Variants in UGT2B7 observed in about 807,000 individuals in gnomAD.
The protein encoded by UGT2B7 is UDP glucuronosyltransferase family 2 member B7.
Under a neutral mutation model 51.9 loss-of-function variants are expected in UGT2B7, and 51 were observed. That is an observed-to-expected ratio of 0.98 (90% CI 0.78 to 1.24). The LOEUF (loss-of-function observed/expected upper bound fraction) is 1.24. Among genes scored for constraint, UGT2B7 ranks in the 50% most tolerant of loss-of-function variants. The pLI is 0.00. For synonymous variants in UGT2B7, 225 were observed against 211.6 expected, an observed-to-expected ratio of 1.06 and a Z score of -0.55; for missense variants, 727 against 628.4, an observed-to-expected ratio of 1.16 and a Z score of -1.68.
chr4:69,062,257 G>T (rs192218639), intron 1 of UGT2B7, among the ~76,000 whole-genome samples: 1 of 152,028 alleles, frequency 6.6e-6, no homozygotes, highest in African/African-American at 2.4e-5. Context: ...CTGGGTATTT[G>T]CCCAATGAGA....
intron 1 of UGT2B7, among the ~76,000 whole-genome samples, chr4:69,061,673 A>C (rs1718350572): frequency 6.6e-6 from 1 of 152,218 alleles, no homozygotes; most frequent in African/African-American, 2.4e-5. Context: ...AAACGGTGCT[A>C]GAGACATGAT....
At chr4:69,060,927 C>T (rs1718331308) in intron 1 of UGT2B7, among the ~76,000 whole-genome samples, 1 of 152,182 alleles carries the variant, frequency 6.6e-6, no homozygotes, top group South Asian at 2.1e-4. Flanking sequence ...TGCCAGGAAG[C>T]CCCCTTCATT....
chr4:69,064,520 A>T (rs535090867), intron 1 of UGT2B7, among the ~76,000 whole-genome samples: 35 of 152,342 alleles, frequency 2.3e-4, no homozygotes, highest in African/African-American at 7.0e-4. Flanking sequence ...AACCTAGATA[A>T]CAGACATCTA....
chr4:69,059,425 C>A (rs1475056588), intron 1 of UGT2B7, among the ~76,000 whole-genome samples: 1 of 152,082 alleles, frequency 6.6e-6, no homozygotes, highest in East Asian at 1.9e-4. Context: ...TACATTTGGG[C>A]CACAAGGGAA....
At chr4:69,097,346 T>C in intron 1 of UGT2B7, 105 bp downstream of exon 1, 3 of 1,357,708 alleles carry the variant, frequency 2.2e-6, no homozygotes, top group Non-Finnish European at 2.0e-6. Flanking sequence ...TTTTGGTAAG[T>C]GAATTTATAA....
At chr4:69,064,976 A>G (rs981141843) in intron 1 of UGT2B7, among the ~76,000 whole-genome samples, 10 of 152,134 alleles carry the variant, frequency 6.6e-5, no homozygotes, top group Admixed American at 5.9e-4. Context: ...ATATCACCAA[A>G]TTCTGCCCTG....
chr4:69,104,179 C>T (rs932014246), intron 3 of UGT2B7, among the ~76,000 whole-genome samples: 1 of 152,002 alleles, frequency 6.6e-6, no homozygotes, highest in African/African-American at 2.4e-5. Flanking sequence ...CACAGCTACT[C>T]GGGAGGCTGG....
At chr4:69,077,905 G>C (rs1218102904) in intron 1 of UGT2B7, among the ~76,000 whole-genome samples, 2 of 152,086 alleles carry the variant, frequency 1.3e-5, no homozygotes, top group Non-Finnish European at 2.9e-5. Flanking sequence ...GTATGATATG[G>C]GCTGTGGGTT....
chr4:69,070,016 T>C (rs1485680002), intron 1 of UGT2B7: 1 of 151,996 alleles, frequency 6.6e-6, no homozygotes, highest in East Asian at 1.9e-4. Context: ...TCTTGATTTG[T>C]TTGAAATTTT....
intron 1 of UGT2B7, among the ~76,000 whole-genome samples, chr4:69,097,737 A>G (rs1719288811): frequency 6.6e-6 from 1 of 152,058 alleles, no homozygotes; most frequent in Non-Finnish European, 1.5e-5. Context: ...GATAATGTCT[A>G]TACCTCAGAT....
intron 2 of UGT2B7, among the ~76,000 whole-genome samples, chr4:69,101,341 T>A (rs1719412456): frequency 6.6e-6 from 1 of 151,958 alleles, no homozygotes; most frequent in Non-Finnish European, 1.5e-5. Context: ...AAATTTTATT[T>A]AAAAAAATTT....
intron 2 of UGT2B7, among the ~76,000 whole-genome samples, chr4:69,100,977 G>A (rs1194850431): frequency 1.3e-5 from 2 of 151,710 alleles, no homozygotes; most frequent in African/African-American, 2.4e-5. Flanking sequence ...AATTAATCAA[G>A]GTGTACCTAT....
At chr4:69,063,683 T>G (rs1718407778) in intron 1 of UGT2B7, among the ~76,000 whole-genome samples, 1 of 152,168 alleles carries the variant, frequency 6.6e-6, no homozygotes, top group Non-Finnish European at 1.5e-5. Context: ...GGAAGATAGC[T>G]CATGTCCCAG....
intron 1 of UGT2B7, among the ~76,000 whole-genome samples, chr4:69,076,026 G>T (rs373236763): frequency 6.6e-6 from 1 of 152,042 alleles, no homozygotes; most frequent in East Asian, 1.9e-4. Flanking sequence ...GAGAACATGC[G>T]GTGTTAGATT....
chr4:69,072,050 T>A (rs1163277926), intron 1 of UGT2B7, among the ~76,000 whole-genome samples: 2 of 152,110 alleles, frequency 1.3e-5, no homozygotes, highest in African/African-American at 4.8e-5. Context: ...TATCAAAGAA[T>A]ACTTTCATTT....
upstream of UGT2B7, among the ~76,000 whole-genome samples, chr4:69,095,710 A>G (rs1009557865): frequency 2.6e-5 from 4 of 152,288 alleles, no homozygotes; most frequent in African/African-American, 9.6e-5. Flanking sequence ...TGATTACTTT[A>G]ACAAAGTTTA....
chr4:69,111,901 T>C (rs1316807625), intron 5 of UGT2B7, among the ~76,000 whole-genome samples: 1 of 152,230 alleles, frequency 6.6e-6, no homozygotes, highest in Non-Finnish European at 1.5e-5. Context: ...GACATTTATT[T>C]TGAATTATTT....
chr4:69,071,480 A>C (rs1352575043), intron 1 of UGT2B7, among the ~76,000 whole-genome samples: 1 of 152,136 alleles, frequency 6.6e-6, no homozygotes, highest in Non-Finnish European at 1.5e-5. Flanking sequence ...TGTTCATTAC[A>C]GCCTTTGGAC....
chr4:69,093,729 AT>A (rs1455881232), upstream of UGT2B7, among the ~76,000 whole-genome samples: 20 of 152,156 alleles, frequency 1.3e-4, no homozygotes, highest in Non-Finnish European at 2.4e-4. Context: ...GAAGCATGTT[AT>A]TTGGGGTAGC....
Sources: allele counts gnomAD v4.1 joint callset (sites outside exome capture counted in the v4.1 genomes callset), GRCh38; gene constraint gnomAD v4.1.1; transcripts MANE v1.5; gene names NCBI Gene and HGNC (gene_info 2026-07-23, HGNC 2026-07-21).